The following CLVS1 variants were observed in gnomAD, a reference collection of about 807,000 sequenced individuals.
CLVS1 encodes the protein clavesin-1.
A neutral mutation model predicts 33.1 loss-of-function variants in CLVS1; 10 were observed. The observed-to-expected ratio is 0.30, with a 90% CI of 0.19 to 0.51. CLVS1 has a LOEUF of 0.51. Among genes scored for constraint, CLVS1 ranks in the 20% least tolerant of loss-of-function variants. CLVS1 has a pLI of 0.97. For synonymous variants in CLVS1, 163 were observed against 166.1 expected, an observed-to-expected ratio of 0.98 and a Z score of 0.14; for missense variants, 343 against 433.4, an observed-to-expected ratio of 0.79 and a Z score of 1.85.
chr8:61,454,290 A>G (rs1817070496), intron 4 of CLVS1, 39 bp downstream of exon 4: 2 of 1,436,630 alleles, frequency 1.4e-6, no homozygotes, highest in East Asian at 2.3e-5. Context: ...TCCTGGTACA[A>G]TTTTGGTGCT....
At chr8:61,369,677 G>A (rs1310793214) in intron 2 of CLVS1, among the ~76,000 whole-genome samples, 3 of 152,202 alleles carry the variant, frequency 2.0e-5, no homozygotes, top group East Asian at 1.9e-4. Flanking sequence ...TAGTGCTAGC[G>A]ATAACCCTAC....
At chr8:61,334,474 G>A (rs960431986) in intron 2 of CLVS1, among the ~76,000 whole-genome samples, 20 of 152,160 alleles carry the variant, frequency 1.3e-4, no homozygotes, top group African/African-American at 4.6e-4. Flanking sequence ...CAGTCAGCTG[G>A]TTCTTGGAAC....
rs566317983 is a variant in CLVS1 at position 61,059,873 on chromosome 8, T to C, written c.-243+2643T>C. On this transcript the variant is annotated intron_variant, in intron 1 of 2. Coordinates refer to the CLVS1 transcript ENST00000522621. The stretch of plus-strand genomic sequence containing the variant: ...CCTCCCTTGCCAAGTGGTATGCCCA[T>C]GTGACCAAGTTCTTACTCACACAAT... Among the ~76,000 whole-genome samples, 29 of 152,150 alleles carry C rather than the reference T, an allele frequency of 1.9e-4. No individual in the cohort carries two copies. The East Asian group carries it at 5.0e-3, about 26-fold the overall frequency.
chr8:61,446,000 A>C (rs1269209490), intron 3 of CLVS1, among the ~76,000 whole-genome samples: 1 of 152,146 alleles, frequency 6.6e-6, no homozygotes, highest in African/African-American at 2.4e-5. Context: ...GGTCTATAGT[A>C]GTATGCCCTA....
the CLVS1 span, among the ~76,000 whole-genome samples, chr8:61,038,437 G>GTATATATATATA: frequency 2.3e-3 from 330 of 142,718 alleles, 5 homozygotes; most frequent in African/African-American, 7.4e-3. Flanking sequence ...CCTGTCGTTT[G>GTATATATATATA]TATATATATA....
chr8:61,139,797 A>G (rs915117179), intron 2 of CLVS1, among the ~76,000 whole-genome samples: 6 of 152,042 alleles, frequency 3.9e-5, no homozygotes, highest in Admixed American at 1.3e-4. Context: ...TCACGGTCTC[A>G]GTTGACCCTC....
chr8:61,121,756 A>T (rs1805875201), intron 1 of CLVS1, among the ~76,000 whole-genome samples: 1 of 152,206 alleles, frequency 6.6e-6, no homozygotes, highest in Non-Finnish European at 1.5e-5. Flanking sequence ...TAACAGAAAC[A>T]CACCCACACA....
At chr8:61,243,443 T>C (rs1808738271) in intron 2 of CLVS1, among the ~76,000 whole-genome samples, 1 of 152,214 alleles carries the variant, frequency 6.6e-6, no homozygotes, top group Admixed American at 6.5e-5. Context: ...TCATCCTGGT[T>C]GCCCCAGGCT....
At chr8:61,485,666 T>C (rs1468902510) in intron 5 of CLVS1, among the ~76,000 whole-genome samples, 1 of 152,210 alleles carries the variant, frequency 6.6e-6, no homozygotes, top group African/African-American at 2.4e-5. Flanking sequence ...TGCAGCACTA[T>C]TCACAATAGC....
At chr8:61,156,962 A>C (rs994377745) in intron 2 of CLVS1, among the ~76,000 whole-genome samples, 1 of 152,246 alleles carries the variant, frequency 6.6e-6, no homozygotes, top group African/African-American at 2.4e-5. Flanking sequence ...CATTGCAGAG[A>C]TCTACGAAGC....
chr8:61,307,188 C>G (rs948378037), intron 2 of CLVS1, among the ~76,000 whole-genome samples: 1 of 152,152 alleles, frequency 6.6e-6, no homozygotes, highest in Non-Finnish European at 1.5e-5. Context: ...CATTGCAAGT[C>G]ATAATATATA....
chr8:61,416,325 C>T (rs1585940572), intron 3 of CLVS1, among the ~76,000 whole-genome samples: 2 of 151,834 alleles, frequency 1.3e-5, no homozygotes, highest in African/African-American at 2.4e-5. Flanking sequence ...TACATACATA[C>T]ATACATACAT....
chr8:61,190,782 C>A (rs1352581431), intron 2 of CLVS1, among the ~76,000 whole-genome samples: 2 of 151,978 alleles, frequency 1.3e-5, no homozygotes, highest in East Asian at 1.9e-4. Context: ...AGAAGAAATG[C>A]ATAAATTCCT....
chr8:61,221,717 G>A (rs1376496390), intron 2 of CLVS1, among the ~76,000 whole-genome samples: 1 of 152,126 alleles, frequency 6.6e-6, no homozygotes, highest in Non-Finnish European at 1.5e-5. Flanking sequence ...TGATGGAGGA[G>A]TCCCTGCTTT....
intron 2 of CLVS1, among the ~76,000 whole-genome samples, chr8:61,330,675 T>A (rs1027100697): frequency 6.6e-6 from 1 of 152,214 alleles, no homozygotes; most frequent in South Asian, 2.1e-4. Context: ...ACTTCTCTTC[T>A]TCATCTTTTT....
chr8:61,038,940 G>A, the CLVS1 span, among the ~76,000 whole-genome samples: 1 of 152,202 alleles, frequency 6.6e-6, no homozygotes, highest in African/African-American at 2.4e-5. Context: ...TGTTGCTGAT[G>A]TAATGTCACC....
chr8:61,396,026 CAAA>C (rs1310583802), intron 3 of CLVS1, among the ~76,000 whole-genome samples: 1 of 152,248 alleles, frequency 6.6e-6, no homozygotes, highest in East Asian at 1.9e-4. Flanking sequence ...CCACTTATCC[CAAA>C]TGGAAACTCG....
intron 2 of CLVS1, among the ~76,000 whole-genome samples, chr8:61,355,243 C>T (rs1812643487): frequency 6.6e-6 from 1 of 151,944 alleles, no homozygotes; most frequent in African/African-American, 2.4e-5. Flanking sequence ...AGCCTGAATC[C>T]AACCAAGCTT....
At chr8:61,481,885 G>A (rs1818208058) in intron 5 of CLVS1, among the ~76,000 whole-genome samples, 1 of 152,220 alleles carries the variant, frequency 6.6e-6, no homozygotes, top group African/African-American at 2.4e-5. Context: ...ATCTGAGAGT[G>A]GACAGTCTGC....
Sources: gnomAD v4.1 joint callset for allele counts (sites outside exome capture counted in the v4.1 genomes callset) on GRCh38, gnomAD v4.1.1 for gene constraint, MANE v1.5 for transcripts, NCBI Gene and HGNC (gene_info 2026-07-23, HGNC 2026-07-21) for gene names.